The following MCF2L2 variants were observed in gnomAD, a reference collection of about 807,000 sequenced individuals.
MCF2L2 encodes MCF.2 cell line derived transforming sequence-like 2.
A neutral mutation model predicts 150.2 loss-of-function variants in MCF2L2; 102 were observed. The ratio of observed to expected loss-of-function variants is 0.68; its 90% CI spans 0.58 to 0.80. The LOEUF (loss-of-function observed/expected upper bound fraction) is 0.80. MCF2L2 is among the 30% of genes least tolerant of loss of function. The pLI is 0.00. For synonymous variants in MCF2L2, 465 were observed against 491.3 expected (o/e 0.95, Z 0.71); for missense variants, 1,256 against 1,372.8 (o/e 0.91, Z 1.34).
At chr3:183,401,834 T>TG (rs1714772776) in intron 1 of MCF2L2, among the ~76,000 whole-genome samples, 3 of 152,232 alleles carry the variant, frequency 2.0e-5, no homozygotes, top group Admixed American at 6.5e-5. Context: ...CTCCTACTGA[T>TG]GGACATTCAG....
chr3:183,324,296 C>T (rs1417252306), intron 5 of MCF2L2, among the ~76,000 whole-genome samples: 2 of 152,146 alleles, frequency 1.3e-5, no homozygotes, highest in Non-Finnish European at 2.9e-5. Flanking sequence ...TCCCCAATTG[C>T]CCCTTTCTAT....
intron 26 of MCF2L2, among the ~76,000 whole-genome samples, chr3:183,194,860 C>T (rs1374820824): frequency 6.6e-6 from 1 of 152,164 alleles, no homozygotes; most frequent in East Asian, 1.9e-4. Flanking sequence ...AGGCTCACTG[C>T]AGCTTTGACC....
At chr3:183,310,740 TC>T (rs1454863652) in intron 9 of MCF2L2, 174 bp downstream of exon 9, 1 of 589,754 alleles carries the variant, frequency 1.7e-6, no homozygotes, top group African/African-American at 1.9e-5. Flanking sequence ...ACAGTTTGAC[TC>T]CACTGAAAAA....
At chr3:183,196,327 A>G (rs1576913515) in intron 25 of MCF2L2, among the ~76,000 whole-genome samples, 4 of 152,146 alleles carry the variant, frequency 2.6e-5, no homozygotes, top group Admixed American at 2.6e-4. Flanking sequence ...GCCAGTGTAC[A>G]GGGTTATTAT....
intron 1 of MCF2L2, among the ~76,000 whole-genome samples, chr3:183,390,573 T>G (rs1714084630): frequency 2.6e-5 from 4 of 152,166 alleles, no homozygotes; most frequent in Admixed American, 2.6e-4. Context: ...AGGAAGGCAT[T>G]TTCATGTTAT....
intron 1 of MCF2L2, among the ~76,000 whole-genome samples, chr3:183,409,095 T>C (rs2108619855): frequency 6.6e-6 from 1 of 152,366 alleles, no homozygotes; most frequent in Non-Finnish European, 1.5e-5. Context: ...ATGTATTATT[T>C]CTGCATGTTT....
In MCF2L2 at chr3:183,267,213, TA is replaced by T. The variant is rs3076576; in HGVS notation, c.1862+9658del. ...TACTACTCTCAGTACACTCTGTATT[TA>T]AAAAAAAAAATGCTGGTTGTGGCTT... On this transcript the variant is annotated intron_variant, in intron 15 of 29. Coordinates refer to ENST00000328913, the MANE Select transcript of MCF2L2 (RefSeq NM_015078.4). This position sits in a 1 kb window ranked among gnomAD's most constrained non-coding sequence, Gnocchi z 5.5. 2.1e-4 allele frequency among the ~76,000 whole-genome samples: 32 copies of T among 148,970 alleles called. No homozygotes were observed. Among genetic ancestry groups the T allele is most frequent in the South Asian group, 6.3e-4 (3 of 4,726 alleles).
At chr3:183,345,562 C>T (rs62285759) in intron 3 of MCF2L2, among the ~76,000 whole-genome samples, 1 of 152,084 alleles carries the variant, frequency 6.6e-6, no homozygotes, top group Non-Finnish European at 1.5e-5. Context: ...CAAGAAATAA[C>T]TAAGATCAGA....
intron 5 of MCF2L2, among the ~76,000 whole-genome samples, chr3:183,335,182 A>G (rs1730425879): frequency 6.6e-6 from 1 of 152,016 alleles, no homozygotes. Flanking sequence ...ATTAAAGAAA[A>G]CTAATGAGAT....
chr3:183,375,831 T>A (rs907503616), intron 3 of MCF2L2: 1 of 152,224 alleles, frequency 6.6e-6, no homozygotes, highest in African/African-American at 2.4e-5. Context: ...TGGATAACTA[T>A]GTAACGTACA....
At chr3:183,414,645 T>C (rs1715492212) in intron 1 of MCF2L2, among the ~76,000 whole-genome samples, 1 of 152,200 alleles carries the variant, frequency 6.6e-6, no homozygotes, top group South Asian at 2.1e-4. Flanking sequence ...TGTGGAAGAT[T>C]GGGTTATTGA....
chr3:183,344,723 T>C (rs1161318922), intron 3 of MCF2L2, among the ~76,000 whole-genome samples: 1 of 151,726 alleles, frequency 6.6e-6, no homozygotes, highest in Non-Finnish European at 1.5e-5. Context: ...AATAAAGGGA[T>C]AGAGGAATAT....
chr3:183,317,227 T>G (rs1361917660), intron 7 of MCF2L2, among the ~76,000 whole-genome samples: 1 of 152,152 alleles, frequency 6.6e-6, no homozygotes. Flanking sequence ...TTTTTGCAAA[T>G]TTTTGGTCAC....
chr3:183,368,380 G>A (rs1712665253), intron 3 of MCF2L2, among the ~76,000 whole-genome samples: 1 of 152,138 alleles, frequency 6.6e-6, no homozygotes, highest in African/African-American at 2.4e-5. Context: ...AAGTTTAATT[G>A]GAACACAGCC....
At chr3:183,366,240 A>G (rs530917076) in intron 3 of MCF2L2, among the ~76,000 whole-genome samples, 11 of 152,328 alleles carry the variant, frequency 7.2e-5, no homozygotes, top group African/African-American at 2.2e-4. Context: ...GATGCTACAA[A>G]TCGATGGATC....
chr3:183,218,944 T>C (rs1381651107), intron 21 of MCF2L2, among the ~76,000 whole-genome samples: 1 of 152,230 alleles, frequency 6.6e-6, no homozygotes, highest in Non-Finnish European at 1.5e-5. Flanking sequence ...TGTCATCCAT[T>C]CTGAGCAGAA....
chr3:183,355,487 G>A (rs1238270304), intron 3 of MCF2L2, among the ~76,000 whole-genome samples: 1 of 150,028 alleles, frequency 6.7e-6, no homozygotes, highest in Non-Finnish European at 1.5e-5. Flanking sequence ...TCGCTCTGTC[G>A]CATAGGTGGA....
intron 15 of MCF2L2, chr3:183,272,311 G>C (rs1726847745): frequency 1.0e-6 from 1 of 1,000,004 alleles, no homozygotes. Flanking sequence ...TTATATGAAG[G>C]CCAAAATAAT....
At chr3:183,411,786 A>G (rs1330265007) in intron 1 of MCF2L2, among the ~76,000 whole-genome samples, 1 of 152,130 alleles carries the variant, frequency 6.6e-6, no homozygotes, top group Non-Finnish European at 1.5e-5. Context: ...GATAGGAAGC[A>G]TTTTATCAAG....
Sources: allele counts gnomAD v4.1 joint callset (sites outside exome capture counted in the v4.1 genomes callset), GRCh38; gene constraint gnomAD v4.1.1; non-coding constraint Gnocchi (gnomAD v3.1); transcripts MANE v1.5; gene names NCBI Gene and HGNC (gene_info 2026-07-23, HGNC 2026-07-21).